CDKL2: variants seen among roughly 807,000 people sequenced by gnomAD.
CDKL2 encodes the protein cyclin-dependent kinase-like 2.
In CDKL2, 64 loss-of-function variants were observed where a neutral mutation model predicts 63.9. The observed-to-expected ratio is 1.00, with a 90% CI of 0.82 to 1.23. CDKL2 has a LOEUF of 1.23. Ranked by LOEUF, CDKL2 falls within the 50% of genes most tolerant of loss-of-function variation. CDKL2 has a pLI of 0.00. For synonymous variants in CDKL2, 211 were observed against 229.2 expected (o/e 0.92, Z 0.72); for missense variants, 656 against 668.0 (o/e 0.98, Z 0.20).
At chr4:75,624,269 T>A (rs1730299800) in intron 2 of CDKL2, among the ~76,000 whole-genome samples, 1 of 151,998 alleles carries the variant, frequency 6.6e-6, no homozygotes, top group African/African-American at 2.4e-5. Context: ...AACAAAATAC[T>A]GGCCAGGTGT....
intron 3 of CDKL2, among the ~76,000 whole-genome samples, chr4:75,610,619 A>G (rs986530624): frequency 1.1e-4 from 16 of 152,170 alleles, no homozygotes; most frequent in African/African-American, 3.9e-4. Flanking sequence ...TATTTGGGTC[A>G]AACTTCAATG....
chr4:75,597,498 A>T (rs1008932504), intron 8 of CDKL2, among the ~76,000 whole-genome samples: 6 of 152,136 alleles, frequency 3.9e-5, no homozygotes, highest in African/African-American at 1.4e-4. Context: ...ACATCAGTGG[A>T]AAAACTCATG....
At chr4:75,580,694 C>CTT (rs368796538) in intron 13 of CDKL2, among the ~76,000 whole-genome samples, 5 of 129,688 alleles carry the variant, frequency 3.9e-5, no homozygotes, top group South Asian at 2.7e-4. Flanking sequence ...TTTGTTTTGG[C>CTT]TTTTTTTTTT....
intron 12 of CDKL2, among the ~76,000 whole-genome samples, chr4:75,589,478 G>C (rs2148865375): frequency 6.6e-6 from 1 of 150,964 alleles, no homozygotes; most frequent in East Asian, 1.9e-4. Flanking sequence ...CTAATTTTTT[G>C]TATTTTTAGT....
rs758164748 is a variant in CDKL2, at chr4:75,614,256, T to C, written c.362A>G (p.Asn121Ser). The C allele has an allele frequency of 1.9e-6, 3 of 1,581,626 alleles. No homozygotes were observed. ...AAATTATTTAAACCCAATACTTACA[T>C]TGTGACTGTGACAAAATCCAATTCC... ...INGIGFCHSH[N>S]IIHRDIKPEN... is the part of the protein sequence containing the mutation. The change falls in exon 3 of 14, where the codon AAT (asparagine) becomes AGT (serine). Residue 121 changes from asparagine to serine, a missense_variant and splice_region_variant. By Grantham distance (46) the Asn-to-Ser change is conservative. Coordinates refer to ENST00000307465, the MANE Select transcript of CDKL2 (RefSeq NM_001330724.2).
intron 8 of CDKL2, among the ~76,000 whole-genome samples, 177 bp downstream of exon 8, chr4:75,597,900 T>C (rs1421193172): frequency 6.6e-6 from 1 of 152,208 alleles, no homozygotes; most frequent in African/African-American, 2.4e-5. Context: ...ACTCAAAACA[T>C]GATATGTTAA....
intron 3 of CDKL2, among the ~76,000 whole-genome samples, chr4:75,611,707 T>G (rs1165926477): frequency 7.1e-5 from 10 of 141,548 alleles, no homozygotes; most frequent in African/African-American, 1.1e-4. Flanking sequence ...CAGGCTGGAG[T>G]GCAATGGCAC....
intron 9 of CDKL2, 111 bp from the exon 10 acceptor site, chr4:75,596,451 A>G: frequency 1.5e-6 from 1 of 680,496 alleles, no homozygotes; most frequent in South Asian, 1.7e-5. Flanking sequence ...CCAGAGTGTA[A>G]TGTCTATTCT....
chr4:75,584,143 T>C (rs1254310378), intron 12 of CDKL2, among the ~76,000 whole-genome samples: 1 of 152,220 alleles, frequency 6.6e-6, no homozygotes, highest in Non-Finnish European at 1.5e-5. Context: ...TGTTACTAAT[T>C]AGGATAGATT....
intron 2 of CDKL2, among the ~76,000 whole-genome samples, chr4:75,615,365 G>A (rs1052470749): frequency 1.3e-5 from 2 of 152,076 alleles, no homozygotes; most frequent in African/African-American, 2.4e-5. Context: ...TGTAAGAAAT[G>A]GGGAAGAAAG....
chr4:75,616,021 A>G (rs1444463529), intron 2 of CDKL2, among the ~76,000 whole-genome samples: 1 of 152,202 alleles, frequency 6.6e-6, no homozygotes, highest in East Asian at 1.9e-4. Context: ...AAAAAACAAA[A>G]CACTAAAGTA....
intron 5 of CDKL2, among the ~76,000 whole-genome samples, chr4:75,605,170 A>G (rs994061974): frequency 3.3e-5 from 5 of 152,178 alleles, no homozygotes; most frequent in East Asian, 1.9e-4. Flanking sequence ...ACTGACCAAC[A>G]TGGAGAAACG....
rs1428863780 is a variant in CDKL2, at chr4:75,578,621, ACGT to A, written c.*578_*580del. ...TTACATATTCACTTAATATCTAGAAACGTGTAAGATTGTTAAGTGTGTTTTCAT... is the reference window on the plus strand; with the variant it reads ...TTACATATTCACTTAATATCTAGAAAGTAAGATTGTTAAGTGTGTTTTCAT... On this transcript the variant is annotated 3_prime_UTR_variant, in exon 14 of 14. Coordinates refer to ENST00000307465, the MANE Select transcript of CDKL2 (RefSeq NM_001330724.2). The A allele has an allele frequency of 1.3e-5, 2 of 152,304 alleles. No homozygotes were observed. The highest frequency in any genetic ancestry group is 2.9e-5 in the Non-Finnish European group (2 of 68,042). The allele number at this position is 152,304 out of a possible 1,614,324, so 9.4% of individuals were successfully genotyped here.
intron 13 of CDKL2, among the ~76,000 whole-genome samples, chr4:75,580,031 T>C (rs1301075591): frequency 2.0e-5 from 3 of 152,138 alleles, no homozygotes; most frequent in Non-Finnish European, 4.4e-5. Context: ...CAGCACTTTG[T>C]GAGGCCAAGG....
At chr4:75,598,026 A>T in intron 8 of CDKL2, 51 bp downstream of exon 8, 1 of 1,203,784 alleles carries the variant, frequency 8.3e-7, no homozygotes, top group South Asian at 1.8e-5. Context: ...TTCTCAAAAA[A>T]TTTAAAAAAA....
intron 3 of CDKL2, among the ~76,000 whole-genome samples, chr4:75,612,193 G>A (rs145272131): frequency 3.3e-5 from 5 of 152,072 alleles, no homozygotes; most frequent in Non-Finnish European, 5.9e-5. Flanking sequence ...GGCTGGCTTC[G>A]AACTCCTGAC....
chr4:75,597,029 C>A lies in CDKL2; in HGVS notation c.1228G>T (p.Val410Leu), dbSNP rs150511430. The A allele has an allele frequency of 1.2e-6, 2 of 1,614,178 alleles. No homozygotes were observed. Among genetic ancestry groups the A allele is most frequent in the South Asian group, 1.1e-5 (1 of 91,080 alleles). ...VSVDHTRNPS[V>L]AIPPLTHNLS... ...TTGTGTGTAAGTGGGGGAATTGCCA[C>A]GCTTGGATTCCTTGTGTGGTCCACG... is the stretch of plus-strand genomic sequence containing the variant. Residue 410 changes from valine to leucine, a missense_variant, in exon 9 of 14, where the codon GTG becomes TTG. Transcript: ENST00000307465.
At chr4:75,592,628 G>A (rs148627333) in intron 10 of CDKL2, among the ~76,000 whole-genome samples, 1 of 152,184 alleles carries the variant, frequency 6.6e-6, no homozygotes, top group African/African-American at 2.4e-5. Context: ...AGGCTTTTCA[G>A]CAAATAGTTG....
At chr4:75,600,411 T>C (rs1442478325) in intron 6 of CDKL2, 42 bp from the exon 7 acceptor site, 1 of 1,198,718 alleles carries the variant, frequency 8.3e-7, no homozygotes, top group Admixed American at 2.1e-5. Context: ...CAAGAAAAAC[T>C]ACCTACATTT....
Sources: allele counts gnomAD v4.1 joint callset (sites outside exome capture counted in the v4.1 genomes callset), GRCh38; gene constraint gnomAD v4.1.1; transcripts MANE v1.5; gene names NCBI Gene and HGNC (gene_info 2026-07-23, HGNC 2026-07-21).